TRPM6: variants seen among roughly 807,000 people sequenced by gnomAD.
The protein encoded by TRPM6 is transient receptor potential cation channel subfamily M member 6, also known as channel kinase 2.
TRPM6 carries 111 observed loss-of-function variants against 247.6 expected under a neutral mutation model. That is an observed-to-expected ratio of 0.45 (90% CI 0.38 to 0.52). TRPM6 has a LOEUF of 0.52. Among genes scored for constraint, TRPM6 ranks in the 20% least tolerant of loss-of-function variants. The probability of loss-of-function intolerance (pLI) is 0.00; values close to 1 mark genes in which losing one functional copy is unlikely to be tolerated. For missense variants in TRPM6, 2,126 were observed against 2,421.5 expected (o/e 0.88, Z 2.56); for synonymous variants, 892 against 853.8 (o/e 1.04, Z -0.78).
intron 1 of TRPM6, among the ~76,000 whole-genome samples, chr9:74,866,941 A>G (rs1830863463): frequency 6.6e-6 from 1 of 152,244 alleles, no homozygotes; most frequent in Non-Finnish European, 1.5e-5. Context: ...GAGACATTTA[A>G]AAATATTTAC....
chr9:74,802,315 G>A (rs1362560355), intron 15 of TRPM6, 140 bp from the exon 16 acceptor site: 6 of 802,406 alleles, frequency 7.5e-6, no homozygotes, highest in South Asian at 1.7e-5. Context: ...GATTTTACAA[G>A]CCAGCAAGCA....
At chr9:74,872,503 T>G (rs940767551) in intron 1 of TRPM6, among the ~76,000 whole-genome samples, 6 of 151,928 alleles carry the variant, frequency 3.9e-5, no homozygotes, top group African/African-American at 1.5e-4. Context: ...AATCTTGGCT[T>G]ACTGCAACCT....
intron 7 of TRPM6, among the ~76,000 whole-genome samples, chr9:74,822,709 CTA>C (rs553668737): frequency 2.0e-5 from 3 of 151,710 alleles, no homozygotes; most frequent in African/African-American, 7.2e-5. Flanking sequence ...TGACCCAAGC[CTA>C]TATATATATT....
intron 5 of TRPM6, among the ~76,000 whole-genome samples, chr9:74,836,498 G>A (rs1030957057): frequency 1.3e-5 from 2 of 152,166 alleles, no homozygotes; most frequent in African/African-American, 2.4e-5. Context: ...AATATCAAGT[G>A]TGGAGCCATC....
At chr9:74,772,957 A>T (rs541032779) in intron 24 of TRPM6, among the ~76,000 whole-genome samples, 2 of 151,986 alleles carry the variant, frequency 1.3e-5, no homozygotes, top group South Asian at 4.2e-4. Context: ...TCAGCTCCTT[A>T]AAACAAACAA....
intron 3 of TRPM6, among the ~76,000 whole-genome samples, chr9:74,848,045 G>A (rs1830166572): frequency 6.6e-6 from 1 of 152,034 alleles, no homozygotes; most frequent in African/African-American, 2.4e-5. Flanking sequence ...CAAAATTATG[G>A]CCCTGTGGCC....
At chr9:74,792,058 C>G (rs1487313363) in intron 19 of TRPM6, among the ~76,000 whole-genome samples, 1 of 152,092 alleles carries the variant, frequency 6.6e-6, no homozygotes, top group Non-Finnish European at 1.5e-5. Context: ...CGCCTGGCCT[C>G]AATTGCTGAT....
chr9:74,731,336 G>A (rs909230656), intron 37 of TRPM6, among the ~76,000 whole-genome samples: 1 of 151,954 alleles, frequency 6.6e-6, no homozygotes, highest in African/African-American at 2.4e-5. Context: ...TAACCCTTAG[G>A]CACACAGGAC....
chr9:74,833,222 G>GA (rs546344201), intron 6 of TRPM6, among the ~76,000 whole-genome samples: 75 of 151,930 alleles, frequency 4.9e-4, no homozygotes, highest in Non-Finnish European at 9.1e-4. Context: ...CACATACATA[G>GA]AAAAAATTCT....
intron 3 of TRPM6, among the ~76,000 whole-genome samples, chr9:74,843,197 G>A (rs1830000478): frequency 6.6e-6 from 1 of 152,090 alleles, no homozygotes; most frequent in South Asian, 2.1e-4. Context: ...ATCTAATCAA[G>A]TTTTTTAATG....
chr9:74,736,530 A>C (rs1217083507), intron 36 of TRPM6, among the ~76,000 whole-genome samples: 4 of 152,238 alleles, frequency 2.6e-5, no homozygotes, highest in Admixed American at 6.5e-5. Flanking sequence ...AGTGCCTGGC[A>C]CAAACGTAGT....
chr9:74,815,287 A>G (rs777977518), intron 11 of TRPM6, among the ~76,000 whole-genome samples: 1 of 152,190 alleles, frequency 6.6e-6, no homozygotes, highest in Non-Finnish European at 1.5e-5. Context: ...AAATGGTGAC[A>G]AAGAATCTGA....
chr9:74,772,195 C>T (rs1471699874), intron 24 of TRPM6, among the ~76,000 whole-genome samples: 24 of 152,170 alleles, frequency 1.6e-4, no homozygotes, highest in Admixed American at 1.6e-3. Flanking sequence ...AGAAGGATGG[C>T]TTGAGCCTGG....
chr9:74,807,331 G>A (rs1282509397), intron 14 of TRPM6, among the ~76,000 whole-genome samples: 1 of 152,162 alleles, frequency 6.6e-6, no homozygotes, highest in Non-Finnish European at 1.5e-5. Context: ...TCCAAAGGCT[G>A]TGCCCTTTAC....
At chr9:74,785,588 T>C (rs1827618222) in intron 21 of TRPM6, among the ~76,000 whole-genome samples, 1 of 152,126 alleles carries the variant, frequency 6.6e-6, no homozygotes, top group Non-Finnish European at 1.5e-5. Flanking sequence ...AGTGGCGCAA[T>C]CTCGGCTCAC....
At chr9:74,800,534 T>G in intron 16 of TRPM6, 52 bp from the exon 17 acceptor site, 2 of 1,243,902 alleles carry the variant, frequency 1.6e-6, no homozygotes, top group Non-Finnish European at 2.4e-6. Flanking sequence ...GAGAGCTGCA[T>G]TATTAGAAAC....
rs377529438 is a variant in TRPM6, at chr9:74,812,426, G to C, written c.1316C>G (p.Ala439Gly). 3.0e-5 allele frequency: 48 copies of C among 1,613,694 alleles called. No individual in the cohort carries two copies. The highest frequency in any genetic ancestry group is 2.0e-4 in the South Asian group (18 of 91,070). ...AGCATCTGACATTGCTTGTTCCAGG[G>C]CATCAGGCTTCAGAAAGCACAAATA... ...LIYEQHWKPD[A>G]LEQAMSDALV... Residue 439 changes from alanine (A) to glycine (G), a missense_variant, in exon 12 of 39, where the codon GCC becomes GGC. Physicochemically the swap from Ala to Gly is moderately conservative, Grantham distance 60 (BLOSUM62 0). Transcript: ENST00000360774.
chr9:74,824,511 G>GAAAA lies in TRPM6; in HGVS notation c.842-2678_842-2675dup, dbSNP rs59044061. On this transcript the variant is annotated intron_variant, in intron 7 of 38. Coordinates refer to ENST00000360774, the MANE Select transcript of TRPM6 (RefSeq NM_017662.5). ...ATCAAATATATTTATGGCTTTTTCT[G>GAAAA]AAAAAAAAAAAAAAAAAAAAAAAAA... is the stretch of plus-strand genomic sequence containing the variant. 1.1e-3 allele frequency among the ~76,000 whole-genome samples: 52 copies of GAAAA among 46,980 alleles called. 1 individual carries two copies. The highest frequency in any genetic ancestry group is 2.1e-3 in the Non-Finnish European group (37 of 17,496). 30.8% of individuals were successfully genotyped at this position (46,980 alleles called of 152,430 possible).
At chr9:74,876,256 A>G (rs1831188495) in intron 1 of TRPM6, among the ~76,000 whole-genome samples, 1 of 152,110 alleles carries the variant, frequency 6.6e-6, no homozygotes, top group African/African-American at 2.4e-5. Context: ...GTCAAATTTC[A>G]TATTTTTAGT....
Sources: gnomAD v4.1 joint callset for allele counts (sites outside exome capture counted in the v4.1 genomes callset) on GRCh38, gnomAD v4.1.1 for gene constraint, MANE v1.5 for transcripts, NCBI Gene and HGNC (gene_info 2026-07-23, HGNC 2026-07-21) for gene names.